Variants in PXDN observed in about 807,000 individuals in gnomAD.
PXDN encodes peroxidasin homolog.
In PXDN, 77 loss-of-function variants were observed where a neutral mutation model predicts 140.3. The ratio of observed to expected loss-of-function variants is 0.55; its 90% CI spans 0.46 to 0.66. The LOEUF (loss-of-function observed/expected upper bound fraction) is 0.66, where lower values mean the gene tolerates loss of function less well. PXDN is among the 30% of genes least tolerant of loss of function. PXDN has a pLI of 0.00. For missense variants in PXDN, 1,838 were observed against 2,039.5 expected (o/e 0.90, Z 1.90); for synonymous variants, 911 against 857.4 (o/e 1.06, Z -1.09).
chr2:1,710,655 C>G (rs1432285598), intron 1 of PXDN, among the ~76,000 whole-genome samples: 1 of 143,614 alleles, frequency 7.0e-6, no homozygotes, highest in East Asian at 2.1e-4. Context: ...AACACCCACT[C>G]TCCACCAGCA....
rs771213360 is a variant in PXDN at position 1,649,372 on chromosome 2, A to T, written c.2408T>A (p.Ile803Asn). The T allele has an allele frequency of 6.2e-7, 1 of 1,613,786 alleles. No homozygotes were observed. Among genetic ancestry groups the T allele is most frequent in the Non-Finnish European group, 8.5e-7 (1 of 1,179,888 alleles). ...PMPRLVSTTL[I>N]GTETVTPDEQ... ...GTCGGGTGTGACGGTCTCCGTCCCG[A>T]TCAGGGTGGTGGACACCAGGCGCGG... The change falls in exon 17 of 23, where the codon ATC becomes AAC. Residue 803 changes from isoleucine (I) to asparagine (N), a missense_variant. Physicochemically the swap from Ile to Asn is moderately radical, Grantham distance 149. Coordinates refer to ENST00000252804, the MANE Select transcript of PXDN (RefSeq NM_012293.3). This position sits in a 1 kb window ranked among gnomAD's most constrained non-coding sequence, Gnocchi z 7.1.
intron 1 of PXDN, among the ~76,000 whole-genome samples, chr2:1,693,955 C>A (rs901655381): frequency 3.3e-5 from 5 of 152,222 alleles, no homozygotes; most frequent in Non-Finnish European, 5.9e-5. Flanking sequence ...CTGAAGGCAG[C>A]GATGGGAAGT....
In PXDN at chr2:1,673,742, T is replaced by A. The variant is rs759215702; in HGVS notation, c.919A>T (p.Thr307Ser). 4 of 1,614,006 alleles carry A rather than the reference T, an allele frequency of 2.5e-6. No homozygotes were observed. Among genetic ancestry groups the A allele is most frequent in the Non-Finnish European group, 3.4e-6 (4 of 1,179,878 alleles). The change falls in exon 9 of 23, where the codon ACA (threonine) becomes TCA (serine). Residue 307 changes from threonine (T) to serine (S), a missense_variant. By Grantham distance (58) the Thr-to-Ser change is moderately conservative. Around this residue, in one of 5 missense-constraint regions of PXDN, gnomAD observed 208 missense variants for 325.8 expected, o/e 0.64. Coordinates refer to ENST00000252804, the MANE Select transcript of PXDN (RefSeq NM_012293.3). Reference sequence around the variant, plus strand: ...TAGATACCCTGGTCTGTCTCCTGTGTGTTCTGGATCATCAGGGTCCCATCG... The same window carrying A: ...TAGATACCCTGGTCTGTCTCCTGTGAGTTCTGGATCATCAGGGTCCCATCG... Reference protein sequence around the residue: ...LDDGTLMIQNTQETDQGIYQC... With the variant: ...LDDGTLMIQNSQETDQGIYQC...
intron 1 of PXDN, among the ~76,000 whole-genome samples, chr2:1,741,416 C>T (rs540029637): frequency 6.6e-6 from 1 of 152,102 alleles, no homozygotes; most frequent in Admixed American, 6.6e-5. Flanking sequence ...AACCGCCGAC[C>T]GAGCAGCACA....
intron 12 of PXDN, 77 bp downstream of exon 12, chr2:1,663,528 T>A: frequency 6.4e-7 from 1 of 1,554,734 alleles, no homozygotes; most frequent in South Asian, 1.2e-5. Flanking sequence ...GTAACACTAA[T>A]GTCAGCTGCG....
chr2:1,700,932 G>T (rs182350501), intron 1 of PXDN, among the ~76,000 whole-genome samples: 4 of 152,038 alleles, frequency 2.6e-5, no homozygotes, highest in Non-Finnish European at 5.9e-5. Flanking sequence ...GCTTCAGAGA[G>T]GCAAATATGC....
chr2:1,738,699 C>T (rs1486100624), intron 1 of PXDN, among the ~76,000 whole-genome samples: 1 of 152,136 alleles, frequency 6.6e-6, no homozygotes, highest in Non-Finnish European at 1.5e-5. Flanking sequence ...CAGGTGTGCA[C>T]CACCAGGCCC....
intron 22 of PXDN, 51 bp downstream of exon 22, chr2:1,635,357 C>G (rs370052892): frequency 4.7e-6 from 7 of 1,492,554 alleles, no homozygotes; most frequent in Non-Finnish European, 6.4e-6. Flanking sequence ...ACATGGGACT[C>G]TCGGACTTGC....
chr2:1,714,748 T>C lies in PXDN; in HGVS notation c.201-21614A>G, dbSNP rs145954477. Among the ~76,000 whole-genome samples, 206 of 152,336 alleles carry C rather than the reference T, an allele frequency of 1.4e-3. No homozygotes were observed. The highest frequency in any genetic ancestry group is 4.6e-3 in the African/African-American group (192 of 41,580). On this transcript the variant is annotated intron_variant, in intron 1 of 22. Coordinates refer to ENST00000252804, the MANE Select transcript of PXDN (RefSeq NM_012293.3). The surrounding 1 kb of genome is among the most constrained non-coding windows in gnomAD (Gnocchi z 4.3). Reference sequence around the variant, plus strand: ...ACAGCATGAAATATTTACTCTTCTTTTGATTTTTTTCAGACATTTAGAAAT... The same window carrying C: ...ACAGCATGAAATATTTACTCTTCTTCTGATTTTTTTCAGACATTTAGAAAT...
Position 1,644,745 on chromosome 2 carries a change from C to A in PXDN, c.3616G>T (p.Gly1206Cys). 6.5e-7 allele frequency: 1 copy of A among 1,529,218 alleles called. No homozygotes were observed. The highest frequency in any genetic ancestry group is 8.8e-7 in the Non-Finnish European group (1 of 1,130,606). The allele number at this position is 1,529,218 out of a possible 1,614,324, so 94.7% of individuals were successfully genotyped here. A position where few individuals can be genotyped will look rare whatever the true frequency, so the allele number is the denominator to read the frequency against. ...AACAGGTCGATGTTGAGTGTCGAGC[C>A]ATACAACCTAAAAAATAAAGAGAAA... is the stretch of plus-strand genomic sequence containing the variant. ...EIREKLKRLYGSTLNIDLFPA... is the reference protein window; with the variant it reads ...EIREKLKRLYCSTLNIDLFPA... The change falls in exon 18 of 23, where the codon GGC becomes TGC. Residue 1206 changes from glycine (G) to cysteine (C), a missense_variant. By Grantham distance (159) the Gly-to-Cys change is radical (BLOSUM62 -3). Transcript: ENST00000252804.
rs375834992 is a variant in PXDN, at chr2:1,665,080, G to A, written c.1292-6C>T. ...CACAGTGAACTGAGGAAGAGCTTCC[G>A]GAGAGAAAGCATTCAAAACAGGACA... On this transcript the variant is annotated splice_polypyrimidine_tract_variant and splice_region_variant and intron_variant, in intron 10 of 22. Transcript: ENST00000252804. 18 of 1,576,650 alleles carry A rather than the reference G, an allele frequency of 1.1e-5. No individual in the cohort carries two copies. Among genetic ancestry groups the A allele is most frequent in the African/African-American group, 9.4e-5 (7 of 74,090 alleles).
chr2:1,638,909 C>G lies in PXDN; in HGVS notation c.4143G>C (p.Gly1381=). The change falls in exon 21 of 23, where the codon GGG becomes GGC. Residue 1381 remains glycine (G), a synonymous_variant. Transcript: ENST00000252804. The stretch of plus-strand genomic sequence containing the variant: ...GAACAAACTCTCTGAAGTCATTTGT[C>G]CCAGATGCATCTGAGCGTGTGCTGA... The part of the protein sequence containing the change: ...SAFSTRSDAS[G]TNDFREFVLE... 2.5e-6 allele frequency: 4 copies of G among 1,613,992 alleles called. No homozygotes were observed. Among genetic ancestry groups the G allele is most frequent in the Non-Finnish European group, 3.4e-6 (4 of 1,179,866 alleles).
intron 14 of PXDN, among the ~76,000 whole-genome samples, chr2:1,655,662 A>G (rs1181929066): frequency 6.7e-6 from 1 of 149,738 alleles, no homozygotes; most frequent in African/African-American, 2.5e-5. Context: ...TCCTGACAGG[A>G]ATCTGCCCCC....
At chr2:1,690,427 C>T (rs1194153824) in intron 3 of PXDN, among the ~76,000 whole-genome samples, 2 of 152,130 alleles carry the variant, frequency 1.3e-5, no homozygotes, top group East Asian at 3.9e-4. Context: ...GAAAACAGAG[C>T]ATCCCCAACA....
chr2:1,722,280 A>G (rs931365390), intron 1 of PXDN, among the ~76,000 whole-genome samples: 6 of 152,214 alleles, frequency 3.9e-5, no homozygotes, highest in African/African-American at 1.4e-4. Context: ...AGCAGCCAGC[A>G]TGGCCGTTCC....
intron 3 of PXDN, among the ~76,000 whole-genome samples, chr2:1,689,092 G>A (rs1203731813): frequency 6.6e-6 from 1 of 152,028 alleles, no homozygotes; most frequent in Admixed American, 6.6e-5. Flanking sequence ...GCCTGGCAAG[G>A]CTGTTACTTC....
At chr2:1,658,891 C>T (rs1233008439) in intron 14 of PXDN, among the ~76,000 whole-genome samples, 10 of 152,066 alleles carry the variant, frequency 6.6e-5, no homozygotes, top group African/African-American at 2.2e-4. Context: ...CTGACCACCT[C>T]TGCTTCCCCC....
intron 1 of PXDN, among the ~76,000 whole-genome samples, chr2:1,716,529 G>A (rs1684900495): frequency 6.6e-6 from 1 of 151,294 alleles, no homozygotes; most frequent in African/African-American, 2.4e-5. Context: ...TATAAGAGGT[G>A]TACAGTGGGA....
intron 1 of PXDN, among the ~76,000 whole-genome samples, chr2:1,733,364 G>A (rs11127322): frequency 0.25 from 37,983 of 152,020 alleles, 5,104 homozygotes; most frequent in East Asian, 0.58. Context: ...TCTTAAAAGC[G>A]GCCAGAAACA....
Sources: allele counts gnomAD v4.1 joint callset (sites outside exome capture counted in the v4.1 genomes callset), GRCh38; gene constraint gnomAD v4.1.1; regional missense constraint gnomAD v4.1.1; non-coding constraint Gnocchi (gnomAD v3.1); transcripts MANE v1.5; gene names NCBI Gene and HGNC (gene_info 2026-07-23, HGNC 2026-07-21).